Variants in KLHL26 observed in about 807,000 individuals in gnomAD.
KLHL26 encodes kelch-like protein 26.
In KLHL26, 4 loss-of-function variants were observed where a neutral mutation model predicts 7.1. The ratio of observed to expected loss-of-function variants is 0.56; its 90% CI spans 0.28 to 1.28. KLHL26 has a LOEUF of 1.28. Ranked by LOEUF, KLHL26 falls within the 50% of genes most tolerant of loss-of-function variation. The probability of loss-of-function intolerance (pLI) is 0.11; values close to 1 mark genes in which losing one functional copy is unlikely to be tolerated. For synonymous variants in KLHL26, 465 were observed against 414.1 expected, an observed-to-expected ratio of 1.12 and a Z score of -1.49; for missense variants, 896 against 924.6, an observed-to-expected ratio of 0.97 and a Z score of 0.40.
Position 18,669,461 on chromosome 19 carries a change from A to G in KLHL26, c.*216A>G. ...TCCATCCGAGGGAGCCTGCCGGCAA[A>G]GCGTCTGACATGTGGTGGCAGCAAA... On this transcript the variant is annotated 3_prime_UTR_variant, in exon 3 of 3. Coordinates refer to ENST00000300976, the MANE Select transcript of KLHL26 (RefSeq NM_018316.3). 1 of 583,720 alleles carries G rather than the reference A, an allele frequency of 1.7e-6. No individual in the cohort carries two copies. Among genetic ancestry groups the G allele is most frequent in the Non-Finnish European group, 3.0e-6 (1 of 329,830 alleles). 36.2% of individuals were successfully genotyped at this position (583,720 alleles called of 1,614,324 possible). A position where few individuals can be genotyped will look rare whatever the true frequency, so the allele number is the denominator to read the frequency against.
chr19:18,663,090 A>G (rs1204623939), intron 1 of KLHL26, among the ~76,000 whole-genome samples: 1 of 152,160 alleles, frequency 6.6e-6, no homozygotes, highest in African/African-American at 2.4e-5. Flanking sequence ...TCTGAGTAGC[A>G]TATGTCCTGC....
chr19:18,640,534 C>T (rs1040200461), intron 1 of KLHL26, among the ~76,000 whole-genome samples: 14 of 142,748 alleles, frequency 9.8e-5, no homozygotes, highest in African/African-American at 2.4e-4. Context: ...TGAGCCACTA[C>T]GCCTGGCTAT....
intron 1 of KLHL26, among the ~76,000 whole-genome samples, chr19:18,654,822 G>A (rs968395548): frequency 6.6e-5 from 10 of 151,386 alleles, no homozygotes; most frequent in South Asian, 2.1e-4. Context: ...TCTATCTACC[G>A]TTTGCCCATC....
rs2052332640 is a variant in KLHL26 at position 18,656,320 on chromosome 19, C to T, written c.84-7941C>T. On this transcript the variant is annotated intron_variant, in intron 1 of 2. Coordinates refer to ENST00000300976, the MANE Select transcript of KLHL26 (RefSeq NM_018316.3). This position sits in a 1 kb window ranked among gnomAD's most constrained non-coding sequence, Gnocchi z 4.4. ...GTCCTTGGGGTCATTGGTCGTGGTC[C>T]TTTCCAATTGATCCTCGATTCCGAA... is the stretch of plus-strand genomic sequence containing the variant. Among the ~76,000 whole-genome samples the T allele has an allele frequency of 6.6e-6, 1 of 152,182 alleles. No individual in the cohort carries two copies. Among genetic ancestry groups the T allele is most frequent in the African/African-American group, 2.4e-5 (1 of 41,448 alleles).
At chr19:18,644,665 A>T (rs1243164017) in intron 1 of KLHL26, 1 of 152,254 alleles carries the variant, frequency 6.6e-6, no homozygotes, top group East Asian at 1.9e-4. Flanking sequence ...GCAGTCTGGC[A>T]GGTAGGAATT....
chr19:18,667,722 G>A lies in KLHL26; in HGVS notation c.325G>A (p.Val109Met), dbSNP rs763907448. ...ASQDVIELKGVSARGLRHIID... is the reference protein window; with the variant it reads ...ASQDVIELKGMSARGLRHIID... ...CCAGGACGTCATCGAGCTGAAGGGC[G>A]TGTCGGCCCGTGGCCTGCGGCACAT... The change falls in exon 3 of 3, where the codon GTG becomes ATG. Residue 109 changes from valine to methionine, a missense_variant. By Grantham distance (21) the Val-to-Met change is conservative. Coordinates refer to ENST00000300976, the MANE Select transcript of KLHL26 (RefSeq NM_018316.3). 4 of 1,613,022 alleles carry A rather than the reference G, an allele frequency of 2.5e-6. No homozygotes were observed. Among genetic ancestry groups the A allele is most frequent in the East Asian group, 2.2e-5 (1 of 44,892 alleles).
rs1377199511 is a variant in KLHL26, at chr19:18,646,388, C to G, written c.83+9251C>G. ...CCACCTGCCTTGGCCTCCCAAAGTG[C>G]TGGGATTACAGGCATGAGCCAGTGC... On this transcript the variant is annotated intron_variant, in intron 1 of 2. Coordinates refer to ENST00000300976, the MANE Select transcript of KLHL26 (RefSeq NM_018316.3). The surrounding 1 kb of genome is among the most constrained non-coding windows in gnomAD (Gnocchi z 5.0). Among the ~76,000 whole-genome samples the G allele has an allele frequency of 2.6e-5, 4 of 152,180 alleles. No individual in the cohort carries two copies. The highest frequency in any genetic ancestry group is 1.3e-4 in the Admixed American group (2 of 15,282).
chr19:18,637,900 G>A (rs1568452256), intron 1 of KLHL26, among the ~76,000 whole-genome samples: 1 of 152,176 alleles, frequency 6.6e-6, no homozygotes, highest in Non-Finnish European at 1.5e-5. Flanking sequence ...TTGGTCAGAG[G>A]GAGGCCCCCT....
intron 1 of KLHL26, among the ~76,000 whole-genome samples, chr19:18,651,270 C>T (rs958287850): frequency 7.2e-5 from 11 of 152,108 alleles, no homozygotes; most frequent in Non-Finnish European, 1.5e-4. Context: ...ACCAGGAAGG[C>T]GACCCTTCAT....
Position 18,669,226 on chromosome 19 carries a change from G to A in KLHL26, c.1829G>A (p.Arg610Gln), listed in dbSNP as rs1232838184. The A allele has an allele frequency of 5.0e-6, 8 of 1,610,204 alleles. No individual in the cohort carries two copies. The Admixed American group carries it at 5.0e-5, about 10-fold the overall frequency. The change falls in exon 3 of 3, where the codon CGG becomes CAG. Residue 610 changes from arginine to glutamine, a missense_variant. Physicochemically the swap from Arg to Gln is conservative, Grantham distance 43. Coordinates refer to ENST00000300976, the MANE Select transcript of KLHL26 (RefSeq NM_018316.3). ...GCCTGCGCCCCCGTCCTGCTGCCCC[G>A]GGCCGGGACCAGGAGGTAGCCCCCA... ...GIACAPVLLP[R>Q]AGTRR
intron 1 of KLHL26, among the ~76,000 whole-genome samples, chr19:18,663,281 G>C (rs2052410232): frequency 6.6e-6 from 1 of 152,176 alleles, no homozygotes; most frequent in Admixed American, 6.5e-5. Context: ...CCCTCTCCCC[G>C]GCAGTTTGTC....
intron 1 of KLHL26, 136 bp from the exon 2 acceptor site, chr19:18,664,125 T>A (rs1038281928): frequency 1.8e-5 from 13 of 708,646 alleles, no homozygotes; most frequent in Non-Finnish European, 2.8e-5. Flanking sequence ...ATTTGCCTGT[T>A]CTGGGCATTT....
rs2052330158 is a variant in KLHL26, at chr19:18,656,125, G to A, written c.84-8136G>A. 6.6e-6 allele frequency among the ~76,000 whole-genome samples: 1 copy of A among 152,206 alleles called. No homozygotes were observed. The highest frequency in any genetic ancestry group is 1.9e-4 in the East Asian group (1 of 5,180). ...CCTGTTTTCTGGAAGGTTTGAGCAA[G>A]GCTCAGGAAAGGGGAGGCCACGCAG... On this transcript the variant is annotated intron_variant, in intron 1 of 2. Transcript: ENST00000300976. The surrounding 1 kb of genome is among the most constrained non-coding windows in gnomAD (Gnocchi z 4.4).
intron 2 of KLHL26, chr19:18,667,453 C>A: frequency 1.4e-6 from 1 of 740,470 alleles, no homozygotes; most frequent in South Asian, 1.9e-5. Context: ...ATCCACCCGC[C>A]TGGGCTTCCC....
intron 1 of KLHL26, among the ~76,000 whole-genome samples, chr19:18,644,393 T>C (rs1248085040): frequency 6.6e-6 from 1 of 152,230 alleles, no homozygotes; most frequent in Non-Finnish European, 1.5e-5. Context: ...TAAACACTCA[T>C]GTTCAGTCCT....
chr19:18,662,174 C>G (rs550262522), intron 1 of KLHL26, among the ~76,000 whole-genome samples: 2 of 152,316 alleles, frequency 1.3e-5, no homozygotes, highest in East Asian at 3.9e-4. Context: ...TGTACACATG[C>G]ACACCTGCCT....
At position 18,668,282 on chromosome 19, in the gene KLHL26, C is replaced by T. The variant is rs375709904; in HGVS notation, c.885C>T (p.His295=). The change falls in exon 3 of 3, where the codon CAC becomes CAT. Residue 295 remains histidine (H), a synonymous_variant. Transcript: ENST00000300976. ...ACCAGGTGCTGCCCTTCCGGCAGCA[C>T]GAGATGCAGTCTCCGCGCACCGCCG... ...FNYQVLPFRQ[H]EMQSPRTAVR... is the part of the protein sequence containing the mutation. 5.6e-6 allele frequency: 9 copies of T among 1,611,880 alleles called. No homozygotes were observed. Among genetic ancestry groups the T allele is most frequent in the African/African-American group, 5.3e-5 (4 of 75,056 alleles).
intron 1 of KLHL26, among the ~76,000 whole-genome samples, chr19:18,639,042 T>C (rs1027051396): frequency 3.9e-5 from 6 of 152,116 alleles, no homozygotes; most frequent in Admixed American, 1.3e-4. Context: ...ATATAATTAA[T>C]TGCATGGCAT....
rs1600717479 is a variant in KLHL26 at position 18,670,290 on chromosome 19, G to A, written c.*1045G>A. The A allele has an allele frequency of 1.3e-5, 2 of 152,222 alleles. No homozygotes were observed. Among genetic ancestry groups the A allele is most frequent in the East Asian group, 3.9e-4 (2 of 5,176 alleles). The allele number at this position is 152,222 out of a possible 1,614,324, so 9.4% of individuals were successfully genotyped here. A position where few individuals can be genotyped will look rare whatever the true frequency, so the allele number is the denominator to read the frequency against. On this transcript the variant is annotated 3_prime_UTR_variant, in exon 3 of 3. Coordinates refer to ENST00000300976, the MANE Select transcript of KLHL26 (RefSeq NM_018316.3). The stretch of plus-strand genomic sequence containing the variant: ...CCTCTAAATCTTTTCTTTTTGATTG[G>A]TTTTACTGTTTTTAAGAAGCCAGCA...
Sources: gnomAD v4.1 joint callset for allele counts (sites outside exome capture counted in the v4.1 genomes callset) on GRCh38, gnomAD v4.1.1 for gene constraint, Gnocchi (gnomAD v3.1) non-coding constraint, MANE v1.5 for transcripts, NCBI Gene and HGNC (gene_info 2026-07-23, HGNC 2026-07-21) for gene names.